DACH1: variants seen among roughly 807,000 people sequenced by gnomAD.
DACH1 encodes dachshund homolog 1.
A neutral mutation model predicts 54.2 loss-of-function variants in DACH1; 12 were observed. The ratio of observed to expected loss-of-function variants is 0.22; its 90% CI spans 0.14 to 0.36. The LOEUF is 0.36. DACH1 is among the 10% of genes least tolerant of loss of function. The probability of loss-of-function intolerance (pLI) is 1.00; values close to 1 mark genes in which losing one functional copy is unlikely to be tolerated. For missense variants in DACH1, 805 were observed against 929.8 expected, an observed-to-expected ratio of 0.87 and a Z score of 1.75; for synonymous variants, 386 against 366.2, an observed-to-expected ratio of 1.05 and a Z score of -0.62.
chr13:71,866,290 G>T lies in DACH1; in HGVS notation c.480C>A (p.Ser160Arg), dbSNP rs938003195. Reference protein sequence around the residue: ...SSSSSSSSSSSSSSCGPLPGK... With the variant: ...SSSSSSSSSSRSSSCGPLPGK... ...CGGGGAGGGGGCCGCAGCTGCTGCTGCTACTGCTGCTGCTGCTACTACTGC... is the reference window on the plus strand; with the variant it reads ...CGGGGAGGGGGCCGCAGCTGCTGCTTCTACTGCTGCTGCTGCTACTACTGC... Residue 160 changes from serine (S) to arginine (R), a missense_variant, in exon 1 of 11, where the codon AGC becomes AGA. Ser to Arg is a moderately radical substitution (Grantham distance 110). This residue lies in a region of DACH1 where 305 missense variants were observed against 308.7 expected (regional missense o/e 0.99). Coordinates refer to ENST00000613252, the MANE Select transcript of DACH1 (RefSeq NM_080759.6). 6.4e-7 allele frequency: 1 copy of T among 1,571,458 alleles called. No homozygotes were observed. Among genetic ancestry groups the T allele is most frequent in the Non-Finnish European group, 8.6e-7 (1 of 1,158,560 alleles).
At chr13:71,713,553 GT>G (rs1294710729) in intron 1 of DACH1, among the ~76,000 whole-genome samples, 1 of 152,038 alleles carries the variant, frequency 6.6e-6, no homozygotes, top group East Asian at 1.9e-4. Context: ...ATTTAACTTA[GT>G]CATTTTATTA....
At chr13:71,810,305 C>A (rs1402102178) in intron 1 of DACH1, among the ~76,000 whole-genome samples, 1 of 152,038 alleles carries the variant, frequency 6.6e-6, no homozygotes, top group African/African-American at 2.4e-5. Context: ...TTATCTAATG[C>A]CAAAGCAGTG....
chr13:71,840,459 C>T (rs540499815), intron 1 of DACH1, among the ~76,000 whole-genome samples: 13 of 152,150 alleles, frequency 8.5e-5, no homozygotes, highest in African/African-American at 1.7e-4. Context: ...TTGAGCTGGC[C>T]GGTTCCTATA....
At chr13:71,552,800 T>TGG (rs1883911294) in intron 6 of DACH1, among the ~76,000 whole-genome samples, 2 of 12,076 alleles carry the variant, frequency 1.7e-4, no homozygotes, top group African/African-American at 6.4e-4. Context: ...TGAATATATA[T>TGG]ATATATATAT....
chr13:71,828,068 T>A (rs2138199335), intron 1 of DACH1, among the ~76,000 whole-genome samples: 1 of 152,156 alleles, frequency 6.6e-6, no homozygotes. Context: ...AGGTGCTGTG[T>A]CAATATCTGC....
intron 2 of DACH1, among the ~76,000 whole-genome samples, chr13:71,669,200 G>T (rs1050540711): frequency 6.6e-6 from 1 of 152,084 alleles, no homozygotes; most frequent in African/African-American, 2.4e-5. Context: ...ACCAGTATGG[G>T]TCCTTGACCT....
intron 4 of DACH1, among the ~76,000 whole-genome samples, chr13:71,564,227 G>T (rs1004888804): frequency 2.0e-5 from 3 of 151,924 alleles, no homozygotes; most frequent in African/African-American, 7.2e-5. Flanking sequence ...GAAAGAAGCA[G>T]TTCAATGTCT....
intron 2 of DACH1, among the ~76,000 whole-genome samples, chr13:71,673,892 A>T (rs576177504): frequency 1.3e-5 from 2 of 152,288 alleles, no homozygotes; most frequent in African/African-American, 4.8e-5. Context: ...TAACCTATAA[A>T]CAAACAAATA....
At chr13:71,656,813 G>C (rs1249333824) in intron 2 of DACH1, among the ~76,000 whole-genome samples, 1 of 148,080 alleles carries the variant, frequency 6.8e-6, no homozygotes, top group Non-Finnish European at 1.5e-5. Flanking sequence ...AGTATAGATA[G>C]ATAGACAGAT....
intron 3 of DACH1, among the ~76,000 whole-genome samples, chr13:71,578,782 T>A (rs1183634647): frequency 2.0e-5 from 3 of 152,150 alleles, no homozygotes; most frequent in African/African-American, 7.2e-5. Context: ...AAGTGCCTCC[T>A]AACTGGTATT....
chr13:71,828,048 A>G (rs981663199), intron 1 of DACH1, among the ~76,000 whole-genome samples: 3 of 152,040 alleles, frequency 2.0e-5, no homozygotes, highest in Non-Finnish European at 2.9e-5. Context: ...CACCAGAGCT[A>G]TGTAAATTCA....
In DACH1 at chr13:71,630,611, G is replaced by C; in HGVS notation, c.1071C>G (p.Ala357=). The C allele has an allele frequency of 6.2e-7, 1 of 1,611,196 alleles. No individual in the cohort carries two copies. Among genetic ancestry groups the C allele is most frequent in the Non-Finnish European group, 8.5e-7 (1 of 1,179,122 alleles). Residue 357 remains alanine (A), a synonymous_variant, in exon 3 of 11, where the codon GCC becomes GCG. Transcript: ENST00000613252. ...IKLEAMSNYH[A]SNNQHGADSE... is the part of the protein sequence containing the mutation. ...AGTCTGCTCCATGTTGGTTATTACT[G>C]GCATGATAGTTGCTCATGGCTTCTA...
chr13:71,573,555 C>T (rs1034891923), intron 3 of DACH1: 1 of 599,484 alleles, frequency 1.7e-6, no homozygotes, highest in African/African-American at 1.9e-5. Context: ...TTCCTTATCC[C>T]AGGAACCATC....
intron 1 of DACH1, among the ~76,000 whole-genome samples, chr13:71,785,842 A>C (rs1886569640): frequency 6.6e-6 from 1 of 152,126 alleles, no homozygotes. Flanking sequence ...ATCCCATGCT[A>C]CTTTCTTCTA....
chr13:71,516,753 G>A (rs1881189252), intron 6 of DACH1, among the ~76,000 whole-genome samples: 1 of 151,764 alleles, frequency 6.6e-6, no homozygotes, highest in South Asian at 2.1e-4. Flanking sequence ...GTAACAGCTG[G>A]TGTTACATTA....
At chr13:71,565,728 T>G (rs1884857453) in intron 4 of DACH1, among the ~76,000 whole-genome samples, 1 of 152,130 alleles carries the variant, frequency 6.6e-6, no homozygotes, top group Non-Finnish European at 1.5e-5. Context: ...TTTCTAAACA[T>G]GAAACTGGCA....
chr13:71,492,334 A>G (rs1040585900), intron 6 of DACH1, among the ~76,000 whole-genome samples: 3 of 152,146 alleles, frequency 2.0e-5, no homozygotes, highest in Admixed American at 2.0e-4. Flanking sequence ...TTTAGGATGG[A>G]CCCTAAATCC....
At chr13:71,702,924 T>G (rs956904329) in intron 1 of DACH1, among the ~76,000 whole-genome samples, 1 of 152,166 alleles carries the variant, frequency 6.6e-6, no homozygotes, top group Non-Finnish European at 1.5e-5. Context: ...AGGAGCTAAT[T>G]AGGAATATAT....
Position 71,730,434 on chromosome 13 carries a change from T to C in DACH1, c.849-48524A>G, listed in dbSNP as rs185990744. 4.1e-4 allele frequency among the ~76,000 whole-genome samples: 63 copies of C among 152,274 alleles called. 1 individual carries two copies. The East Asian group carries it at 8.9e-3, about 21-fold the overall frequency. On this transcript the variant is annotated intron_variant, in intron 1 of 10. Transcript: ENST00000613252. ...TGTAAAATGTATGTTTTCAATCACA[T>C]GAAGGACAAGTCTACTCATTCTGAA...
Sources: allele counts gnomAD v4.1 joint callset (sites outside exome capture counted in the v4.1 genomes callset), GRCh38; gene constraint gnomAD v4.1.1; regional missense constraint gnomAD v4.1.1; transcripts MANE v1.5; gene names NCBI Gene and HGNC (gene_info 2026-07-23, HGNC 2026-07-21).